SRSF3: variants seen among roughly 807,000 people sequenced by gnomAD.
SRSF3 encodes the protein serine/arginine-rich splicing factor 3.
For missense variants in SRSF3, 58 were observed against 217.1 expected (o/e 0.27, Z 4.61); for synonymous variants, 87 against 73.6 (o/e 1.18, Z -0.93).
chr6:36,598,640 A>T (rs1778670285), intron 2 of SRSF3: 1 of 524,176 alleles, frequency 1.9e-6, no homozygotes, highest in African/African-American at 1.9e-5. Flanking sequence ...CCTCGGCCTC[A>T]TAAAGTGTTG....
chr6:36,598,285 T>C (rs1479896652), intron 2 of SRSF3: 2 of 152,396 alleles, frequency 1.3e-5, no homozygotes, highest in African/African-American at 4.8e-5. Context: ...AACAATTAGG[T>C]GATAAAATAG....
rs1778760731 is a variant in SRSF3, at chr6:36,603,677, A to G, written c.*1688A>G. 1 of 230,588 alleles carries G rather than the reference A, an allele frequency of 4.3e-6. No individual in the cohort carries two copies. Among genetic ancestry groups the G allele is most frequent in the Non-Finnish European group, 8.6e-6 (1 of 116,466 alleles). The allele number at this position is 230,588 out of a possible 1,614,324, so 14.3% of individuals were successfully genotyped here. A position where few individuals can be genotyped will look rare whatever the true frequency, so the allele number is the denominator to read the frequency against. ...AAGACACTTTTCAGACAGCCTGTTTATTTACTGAGAGCTCTGGCATTGGGC... is the reference window on the plus strand; with the variant it reads ...AAGACACTTTTCAGACAGCCTGTTTGTTTACTGAGAGCTCTGGCATTGGGC... On this transcript the variant is annotated 3_prime_UTR_variant, in exon 6 of 6. Coordinates refer to ENST00000373715, the MANE Select transcript of SRSF3 (RefSeq NM_003017.5).
intron 2 of SRSF3, 103 bp downstream of exon 2, chr6:36,597,071 A>T: frequency 2.4e-6 from 2 of 831,796 alleles, no homozygotes; most frequent in Non-Finnish European, 3.9e-6. Flanking sequence ...TCACTGGCCA[A>T]TTGTATCTTT....
chr6:36,599,382 G>A, intron 3 of SRSF3: 1 of 192,504 alleles, frequency 5.2e-6, no homozygotes, highest in South Asian at 9.3e-5. Flanking sequence ...ACAGGCAGCT[G>A]TTTTAATGTT....
chr6:36,601,808 T>C lies in SRSF3; in HGVS notation c.467+14T>C, dbSNP rs760763517. 3.1e-6 allele frequency: 5 copies of C among 1,606,522 alleles called. No homozygotes were observed. Among genetic ancestry groups the C allele is most frequent in the Non-Finnish European group, 3.4e-6 (4 of 1,173,870 alleles). On this transcript the variant is annotated intron_variant, in intron 5 of 5. Coordinates refer to ENST00000373715, the MANE Select transcript of SRSF3 (RefSeq NM_003017.5). Reference sequence around the variant, plus strand: ...TAGGTCTCGTAGGTAAGATCTTTGATAACTTGTATTTAAGACTTTGCATAC... The same window carrying C: ...TAGGTCTCGTAGGTAAGATCTTTGACAACTTGTATTTAAGACTTTGCATAC...
intron 2 of SRSF3, among the ~76,000 whole-genome samples, chr6:36,598,040 T>C (rs1778661243): frequency 6.6e-6 from 1 of 152,036 alleles, no homozygotes; most frequent in Admixed American, 6.6e-5. Context: ...GAGAGGGTGC[T>C]GTAAAATGGC....
At position 36,603,595 on chromosome 6, in the gene SRSF3, A is replaced by G. The variant is rs777986554; in HGVS notation, c.*1606A>G. ...ATTATTTATTTCCACCTTTTACACA[A>G]ATCTTGGGAGAATTGGTGTCAGGAA... On this transcript the variant is annotated 3_prime_UTR_variant, in exon 6 of 6. Transcript: ENST00000373715. 8.7e-6 allele frequency: 2 copies of G among 228,940 alleles called. No homozygotes were observed. Among genetic ancestry groups the G allele is most frequent in the African/African-American group, 2.2e-5 (1 of 45,148 alleles). The allele number at this position is 228,940 out of a possible 1,614,324, so 14.2% of individuals were successfully genotyped here. A position where few individuals can be genotyped will look rare whatever the true frequency, so the allele number is the denominator to read the frequency against.
rs1778781564 is a variant in SRSF3, at chr6:36,604,636, A to G, written c.*2647A>G. 1 of 165,946 alleles carries G rather than the reference A, an allele frequency of 6.0e-6. No individual in the cohort carries two copies. The highest frequency in any genetic ancestry group is 2.4e-5 in the African/African-American group (1 of 41,866). The allele number at this position is 165,946 out of a possible 1,614,324, so 10.3% of individuals were successfully genotyped here. On this transcript the variant is annotated 3_prime_UTR_variant, in exon 6 of 6. Coordinates refer to ENST00000373715, the MANE Select transcript of SRSF3 (RefSeq NM_003017.5). ...GCGTCCATGACACTCCCACCCTGTT[A>G]GACTGCTGTCAGTGGCTTTCACACA...
chr6:36,595,098 G>A (rs115531811), intron 1 of SRSF3, among the ~76,000 whole-genome samples: 341 of 152,280 alleles, frequency 2.2e-3, no homozygotes, highest in African/African-American at 8.0e-3. Flanking sequence ...TGTGGTCACG[G>A]CAAATAGGAT....
chr6:36,599,951 A>G, intron 3 of SRSF3: 1 of 1,329,496 alleles, frequency 7.5e-7, no homozygotes, highest in African/African-American at 1.5e-5. Context: ...CAGGCTGGCC[A>G]GTCGTCAGGT....
chr6:36,605,241 G>C lies in SRSF3; in HGVS notation c.*3252G>C, dbSNP rs1778790343. 1 of 152,168 alleles carries C rather than the reference G, an allele frequency of 6.6e-6. No homozygotes were observed. Among genetic ancestry groups the C allele is most frequent in the Non-Finnish European group, 1.5e-5 (1 of 68,050 alleles). The allele number at this position is 152,168 out of a possible 1,614,324, so 9.4% of individuals were successfully genotyped here. ...GTGATGGCTCATGCCTGTAATCCCG[G>C]TGCATTGGGAGGTTGAGGCAGGTGG... On this transcript the variant is annotated 3_prime_UTR_variant, in exon 6 of 6. Transcript: ENST00000373715.
At chr6:36,600,387 C>T (rs988718188) in intron 3 of SRSF3, 5 of 617,630 alleles carry the variant, frequency 8.1e-6, no homozygotes, top group East Asian at 1.3e-4. Flanking sequence ...TGAATGGTAA[C>T]GTACATATAT....
intron 2 of SRSF3, chr6:36,598,534 C>T: frequency 3.9e-6 from 1 of 255,836 alleles, no homozygotes; most frequent in Non-Finnish European, 7.7e-6. Flanking sequence ...CAGGCATGTA[C>T]CACCACACCT....
In SRSF3 at chr6:36,603,726, T is replaced by A; in HGVS notation, c.*1737T>A. 1 of 230,698 alleles carries A rather than the reference T, an allele frequency of 4.3e-6. No individual in the cohort carries two copies. Among genetic ancestry groups the A allele is most frequent in the Non-Finnish European group, 8.6e-6 (1 of 116,506 alleles). The allele number at this position is 230,698 out of a possible 1,614,324, so 14.3% of individuals were successfully genotyped here. On this transcript the variant is annotated 3_prime_UTR_variant, in exon 6 of 6. Transcript: ENST00000373715. ...GCATTTTGTCTTTAGTATTCTCACATAGCCTACAACCTGTTCCTGTTAGGA... is the reference window on the plus strand; with the variant it reads ...GCATTTTGTCTTTAGTATTCTCACAAAGCCTACAACCTGTTCCTGTTAGGA...
At chr6:36,598,129 A>G (rs1778662493) in intron 2 of SRSF3, among the ~76,000 whole-genome samples, 4 of 152,172 alleles carry the variant, frequency 2.6e-5, no homozygotes, top group African/African-American at 7.2e-5. Context: ...CAGCCTGGTA[A>G]ATAACTGAAA....
intron 4 of SRSF3, 104 bp downstream of exon 4, chr6:36,601,294 A>G: frequency 8.9e-7 from 1 of 1,118,390 alleles, no homozygotes; most frequent in South Asian, 1.4e-5. Flanking sequence ...CCTTGGCTTT[A>G]ATAGTGAATC....
chr6:36,598,072 T>C (rs1339907421), intron 2 of SRSF3, among the ~76,000 whole-genome samples: 1 of 152,136 alleles, frequency 6.6e-6, no homozygotes, highest in Non-Finnish European at 1.5e-5. Flanking sequence ...TGTCTTGTCT[T>C]GAACTGATTT....
At position 36,603,123 on chromosome 6, in the gene SRSF3, T is replaced by G. The variant is rs1207578733; in HGVS notation, c.*1134T>G. ...GAAGCCAGTTCAGGGTCCATAATATTTAGTGACCAACATTTTAAAGTATAG... is the reference window on the plus strand; with the variant it reads ...GAAGCCAGTTCAGGGTCCATAATATGTAGTGACCAACATTTTAAAGTATAG... On this transcript the variant is annotated 3_prime_UTR_variant, in exon 6 of 6. Transcript: ENST00000373715. 5 of 224,098 alleles carry G rather than the reference T, an allele frequency of 2.2e-5. No individual in the cohort carries two copies. Among genetic ancestry groups the G allele is most frequent in the African/African-American group, 1.1e-4 (5 of 44,874 alleles). 13.9% of individuals were successfully genotyped at this position (224,098 alleles called of 1,614,324 possible).
chr6:36,597,402 A>G (rs1216284141), intron 2 of SRSF3, among the ~76,000 whole-genome samples: 3 of 152,172 alleles, frequency 2.0e-5, no homozygotes. Context: ...CACTGTGCCC[A>G]GCCAGGATCA....
Sources: allele counts gnomAD v4.1 joint callset (sites outside exome capture counted in the v4.1 genomes callset), GRCh38; gene constraint gnomAD v4.1.1; transcripts MANE v1.5; gene names NCBI Gene and HGNC (gene_info 2026-07-23, HGNC 2026-07-21).